The following NDUFA8 variants were observed in gnomAD, a reference collection of about 807,000 sequenced individuals.
NDUFA8 encodes the protein NADH dehydrogenase [ubiquinone] 1 alpha subcomplex subunit 8.
Under a neutral mutation model 20.9 loss-of-function variants are expected in NDUFA8, and 16 were observed. The ratio of observed to expected loss-of-function variants is 0.77; its 90% CI spans 0.52 to 1.16. The LOEUF is 1.16. Among genes scored for constraint, NDUFA8 ranks in the 50% most tolerant of loss-of-function variants. NDUFA8 has a pLI of 0.00. For missense variants in NDUFA8, 202 were observed against 216.4 expected, an observed-to-expected ratio of 0.93 and a Z score of 0.42; for synonymous variants, 70 against 76.1, an observed-to-expected ratio of 0.92 and a Z score of 0.41.
At chr9:122,152,856 CTTTA>C (rs1370785813) in intron 1 of NDUFA8, among the ~76,000 whole-genome samples, 1 of 152,002 alleles carries the variant, frequency 6.6e-6, no homozygotes, top group Non-Finnish European at 1.5e-5. Flanking sequence ...CTAATAGAAT[CTTTA>C]TTTATGGTAG....
At chr9:122,159,522 A>AGGGGGGCCCGGGTCCC (rs1255478184) in intron 1 of NDUFA8, 105 bp downstream of exon 1, 19 of 1,393,852 alleles carry the variant, frequency 1.4e-5, no homozygotes, top group Non-Finnish European at 1.7e-5. Flanking sequence ...AGGACTGGGG[A>AGGGGGGCCCGGGTCCC]GGGGGGCCCG....
the NDUFA8 span, among the ~76,000 whole-genome samples, chr9:122,133,451 G>A: frequency 6.6e-6 from 1 of 152,184 alleles, no homozygotes; most frequent in Admixed American, 6.5e-5. Flanking sequence ...GGAAACTGAG[G>A]CCAGGCTTGA....
At chr9:122,146,375 CTTG>C (rs1390484501) in intron 3 of NDUFA8, among the ~76,000 whole-genome samples, 1 of 152,116 alleles carries the variant, frequency 6.6e-6, no homozygotes, top group African/African-American at 2.4e-5. Flanking sequence ...ACTAGCATGA[CTTG>C]TTATTTCTTC....
At chr9:122,158,741 GTA>G (rs1278507518) in intron 1 of NDUFA8, among the ~76,000 whole-genome samples, 59 of 146,044 alleles carry the variant, frequency 4.0e-4, no homozygotes, top group African/African-American at 8.7e-4. Flanking sequence ...CACCAATTGT[GTA>G]TATATATATA....
intron 2 of NDUFA8, among the ~76,000 whole-genome samples, chr9:122,151,821 C>T (rs16911487): frequency 0.063 from 9,650 of 152,198 alleles, 1,026 homozygotes; most frequent in African/African-American, 0.22. Flanking sequence ...CAATGACCTA[C>T]GTAAAACCTA....
At chr9:122,146,090 G>A (rs553888935) in intron 3 of NDUFA8, among the ~76,000 whole-genome samples, 1 of 152,304 alleles carries the variant, frequency 6.6e-6, no homozygotes, top group East Asian at 1.9e-4. Context: ...TGGTTGCAGT[G>A]AGCAGAGATC....
chr9:122,135,327 A>C, the NDUFA8 span, among the ~76,000 whole-genome samples: 13 of 152,364 alleles, frequency 8.5e-5, no homozygotes, highest in African/African-American at 3.1e-4. Context: ...CATTTCTCAA[A>C]GGAGAAAAAT....
downstream of NDUFA8, among the ~76,000 whole-genome samples, chr9:122,142,441 A>G (rs1170943553): frequency 2.6e-5 from 4 of 152,184 alleles, no homozygotes; most frequent in African/African-American, 7.2e-5. Flanking sequence ...CAATTACAAC[A>G]GAATCTCTGC....
chr9:122,150,006 C>T (rs780726185), intron 2 of NDUFA8, among the ~76,000 whole-genome samples: 6 of 152,042 alleles, frequency 3.9e-5, no homozygotes, highest in East Asian at 3.9e-4. Context: ...GACTCAATCT[C>T]GCTGGCAATC....
intron 1 of NDUFA8, among the ~76,000 whole-genome samples, chr9:122,157,596 G>A (rs1445456574): frequency 1.4e-5 from 2 of 145,270 alleles, no homozygotes; most frequent in Admixed American, 1.4e-4. Context: ...AACTTCAGAT[G>A]TTTGTTGAAC....
chr9:122,147,820 G>GT (rs1045613833), intron 3 of NDUFA8, among the ~76,000 whole-genome samples: 4 of 151,918 alleles, frequency 2.6e-5, no homozygotes, highest in African/African-American at 7.3e-5. Flanking sequence ...TAGAGACGGG[G>GT]TTTTACCATG....
At chr9:122,143,653 G>A (rs1439235870), downstream of NDUFA8, among the ~76,000 whole-genome samples, 1 of 152,170 alleles carries the variant, frequency 6.6e-6, no homozygotes, top group Non-Finnish European at 1.5e-5. Flanking sequence ...AGGGGAAGTG[G>A]TGGAAGTTCG....
In NDUFA8 at chr9:122,144,255, A is replaced by C; in HGVS notation, c.505T>G (p.Phe169Val). 1 of 1,614,032 alleles carries C rather than the reference A, an allele frequency of 6.2e-7. No individual in the cohort carries two copies. Among genetic ancestry groups the C allele is most frequent in the African/African-American group, 1.3e-5 (1 of 75,058 alleles). The change falls in exon 4 of 4, where the codon TTC (phenylalanine) becomes GTC (valine). Residue 169 changes from phenylalanine (F) to valine (V), a missense_variant. Coordinates refer to ENST00000373768, the MANE Select transcript of NDUFA8 (RefSeq NM_014222.3). The stretch of plus-strand genomic sequence containing the variant: ...CGGACCCATCTTTACTTGGTCCAGA[A>C]ATAAAAGCGGCTGCCATGTGTGGCA... ...QPATHGSRFY[F>V]WTK
chr9:122,143,593 T>C (rs1480899763), downstream of NDUFA8, among the ~76,000 whole-genome samples: 1 of 152,168 alleles, frequency 6.6e-6, no homozygotes, highest in East Asian at 1.9e-4. Context: ...CCACCTCCCT[T>C]GTCTATCAGG....
At chr9:122,151,127 G>A (rs903957860) in intron 2 of NDUFA8, among the ~76,000 whole-genome samples, 2 of 152,140 alleles carry the variant, frequency 1.3e-5, no homozygotes, top group East Asian at 1.9e-4. Context: ...AGAGACAGCA[G>A]AAGCAAGAAA....
chr9:122,152,480 G>A (rs1829018399), intron 1 of NDUFA8, 72 bp from the exon 2 acceptor site: 4 of 1,470,046 alleles, frequency 2.7e-6, no homozygotes, highest in Admixed American at 1.8e-5. Flanking sequence ...TTTACCTCAT[G>A]CGGGTCAGAA....
chr9:122,152,217 A>C lies in NDUFA8; in HGVS notation c.215+28T>G, dbSNP rs753563455. 4 of 1,613,880 alleles carry C rather than the reference A, an allele frequency of 2.5e-6. No individual in the cohort carries two copies. In the African/African-American group the frequency reaches 5.3e-5, roughly 22 times the overall value. ...CATTTAAACCTTTATGCTTCAACCA[A>C]GTAGGCACTGATACCAAAGATTTTT... is the stretch of plus-strand genomic sequence containing the variant. On this transcript the variant is annotated intron_variant, in intron 2 of 3. Coordinates refer to ENST00000373768, the MANE Select transcript of NDUFA8 (RefSeq NM_014222.3).
intron 3 of NDUFA8, 76 bp downstream of exon 3, chr9:122,148,036 A>C: frequency 6.5e-7 from 1 of 1,547,244 alleles, no homozygotes; most frequent in Non-Finnish European, 8.9e-7. Context: ...ATTTACAGAG[A>C]CCCTTTGCTG....
At chr9:122,153,699 C>A (rs1489204289) in intron 1 of NDUFA8, among the ~76,000 whole-genome samples, 2 of 152,168 alleles carry the variant, frequency 1.3e-5, no homozygotes, top group Non-Finnish European at 2.9e-5. Context: ...CTGAAGATAA[C>A]ATTTTGTTAT....
Sources: gnomAD v4.1 joint callset for allele counts (sites outside exome capture counted in the v4.1 genomes callset) on GRCh38, gnomAD v4.1.1 for gene constraint, MANE v1.5 for transcripts, NCBI Gene and HGNC (gene_info 2026-07-23, HGNC 2026-07-21) for gene names.